Variants in STOX2 observed in about 807,000 individuals in gnomAD.
STOX2 encodes the protein storkhead-box protein 2.
STOX2 carries 28 observed loss-of-function variants against 60.9 expected under a neutral mutation model. That is an observed-to-expected ratio of 0.46 (90% CI 0.34 to 0.63). The LOEUF (loss-of-function observed/expected upper bound fraction) is 0.63. STOX2 is among the 30% of genes least tolerant of loss of function. The pLI is 0.01. For synonymous variants in STOX2, 472 were observed against 463.9 expected (o/e 1.02, Z -0.22); for missense variants, 1,024 against 1,187.7 (o/e 0.86, Z 2.03).
chr4:183,891,265 G>GGT (rs1009108981), intron 1 of STOX2, among the ~76,000 whole-genome samples: 1 of 147,658 alleles, frequency 6.8e-6, no homozygotes, highest in East Asian at 2.0e-4. Flanking sequence ...TAAAGAAACT[G>GGT]GTGTGTGTGT....
Position 184,010,127 on chromosome 4 carries a change from T to C in STOX2, c.1289T>C (p.Leu430Pro). 1 of 1,577,632 alleles carries C rather than the reference T, an allele frequency of 6.3e-7. No individual in the cohort carries two copies. Among genetic ancestry groups the C allele is most frequent in the South Asian group, 1.2e-5 (1 of 86,406 alleles). The change falls in exon 3 of 4, where the codon CTC (leucine) becomes CCC (proline). Residue 430 changes from leucine (L) to proline (P), a missense_variant. By Grantham distance (98) the Leu-to-Pro change is moderately conservative (BLOSUM62 -3). Coordinates refer to ENST00000308497, the MANE Select transcript of STOX2 (RefSeq NM_020225.3). The surrounding 1 kb of genome is among the most constrained non-coding windows in gnomAD (Gnocchi z 4.5). ...ATCATGCACAGCAACACAAACGTGC[T>C]CGAGTCCCACTTCCCCATGACACCA... ...NFIMHSNTNV[L>P]ESHFPMTPEW...
chr4:183,881,246 T>C (rs1355361246), intron 1 of STOX2, among the ~76,000 whole-genome samples: 1 of 108,708 alleles, frequency 9.2e-6, no homozygotes, highest in Non-Finnish European at 2.1e-5. Flanking sequence ...CTCACACCTA[T>C]AATTCCAGCA....
At chr4:183,903,104 C>G (rs1350455484), upstream of STOX2, among the ~76,000 whole-genome samples, 1 of 152,204 alleles carries the variant, frequency 6.6e-6, no homozygotes, top group Non-Finnish European at 1.5e-5. Context: ...TAAAGAAATT[C>G]TAAAAATATC....
chr4:183,888,380 G>A (rs1393642632), intron 1 of STOX2, among the ~76,000 whole-genome samples: 3 of 152,176 alleles, frequency 2.0e-5, no homozygotes, highest in African/African-American at 7.2e-5. Flanking sequence ...TACAGCCGGG[G>A]AAACTGAGGC....
chr4:183,894,142 T>C (rs771873040), intron 1 of STOX2, among the ~76,000 whole-genome samples: 29 of 152,304 alleles, frequency 1.9e-4, no homozygotes, highest in Middle Eastern at 3.4e-3. Context: ...CACAGTGAGA[T>C]TCTGTCTCCA....
chr4:183,978,896 CAT>C (rs1223108026), intron 1 of STOX2, among the ~76,000 whole-genome samples: 12 of 152,150 alleles, frequency 7.9e-5, no homozygotes, highest in Admixed American at 2.0e-4. Context: ...CAAATCTACA[CAT>C]GTGTTAAAAC....
At chr4:183,934,312 AAAAAT>A (rs553367740) in intron 1 of STOX2, among the ~76,000 whole-genome samples, 12 of 143,744 alleles carry the variant, frequency 8.3e-5, no homozygotes, top group South Asian at 2.2e-4. Flanking sequence ...CAAAAAAATA[AAAAAT>A]AAAATAAAAT....
At chr4:183,908,143 C>T (rs1298156402) in intron 1 of STOX2, among the ~76,000 whole-genome samples, 1 of 152,156 alleles carries the variant, frequency 6.6e-6, no homozygotes, top group Non-Finnish European at 1.5e-5. Flanking sequence ...AATAAAAGAA[C>T]CATCTTTTTT....
chr4:183,802,513 A>G (rs778517396), intron 1 of STOX2, among the ~76,000 whole-genome samples: 24 of 150,768 alleles, frequency 1.6e-4, no homozygotes, highest in Non-Finnish European at 3.5e-4. Flanking sequence ...TAGGTGGGCT[A>G]TAGGCACACA....
rs138963532 is a variant in STOX2 at position 183,896,894 on chromosome 4, C to T, written c.364+98839C>T. Among the ~76,000 whole-genome samples the T allele has an allele frequency of 2.7e-3, 418 of 152,166 alleles. 2 individuals are homozygous for T. Among genetic ancestry groups the T allele is most frequent in the African/African-American group, 9.5e-3 (396 of 41,516 alleles). ...TTTTGCTGACCTTTTTTGAATACAG[C>T]GATGTTAGTACTAGTCACTATAATC... On this transcript the variant is annotated intron_variant, in intron 1 of 2. Coordinates refer to the STOX2 transcript ENST00000513034.
chr4:184,010,817 G>C lies in STOX2; in HGVS notation c.1979G>C (p.Gly660Ala), dbSNP rs1415007102. 4 of 1,586,332 alleles carry C rather than the reference G, an allele frequency of 2.5e-6. No individual in the cohort carries two copies. Among genetic ancestry groups the C allele is most frequent in the Non-Finnish European group, 3.4e-6 (4 of 1,166,690 alleles). The part of the protein sequence containing the change: ...PVGHKEESPK[G>A]PGGGPAASGG... The stretch of plus-strand genomic sequence containing the variant: ...GGGCACAAGGAGGAGTCACCAAAAG[G>C]GCCGGGTGGGGGCCCCGCTGCTTCG... The change falls in exon 3 of 4, where the codon GGG becomes GCG. Residue 660 changes from glycine (G) to alanine (A), a missense_variant. Physicochemically the swap from Gly to Ala is moderately conservative, Grantham distance 60. This residue lies in a region of STOX2 where 922 missense variants were observed against 1,058.3 expected (regional missense o/e 0.87). Coordinates refer to ENST00000308497, the MANE Select transcript of STOX2 (RefSeq NM_020225.3). This position sits in a 1 kb window ranked among gnomAD's most constrained non-coding sequence, Gnocchi z 4.5.
intron 1 of STOX2, among the ~76,000 whole-genome samples, chr4:183,858,717 A>G (rs571718182): frequency 2.0e-5 from 3 of 152,348 alleles, no homozygotes; most frequent in East Asian, 1.9e-4. Flanking sequence ...CCGTGTATCT[A>G]TCAAAATATC....
chr4:183,844,327 T>C (rs1247328516), intron 1 of STOX2, among the ~76,000 whole-genome samples: 1 of 152,240 alleles, frequency 6.6e-6, no homozygotes, highest in Non-Finnish European at 1.5e-5. Context: ...TTTCTCTCTT[T>C]AGGTTGCCTG....
chr4:183,897,279 G>A (rs1022149262), intron 1 of STOX2, among the ~76,000 whole-genome samples: 2 of 152,134 alleles, frequency 1.3e-5, no homozygotes, highest in African/African-American at 4.8e-5. Flanking sequence ...GTCTATTTGG[G>A]TTTCAGAGAA....
intron 1 of STOX2, among the ~76,000 whole-genome samples, chr4:183,808,554 C>T (rs867996883): frequency 2.2e-4 from 33 of 152,108 alleles, no homozygotes; most frequent in Non-Finnish European, 1.0e-4. Context: ...AGTCTTTAAT[C>T]GTTAGTAGAC....
chr4:183,898,685 G>A (rs1197201137), intron 1 of STOX2, among the ~76,000 whole-genome samples: 2 of 152,184 alleles, frequency 1.3e-5, no homozygotes, highest in Non-Finnish European at 2.9e-5. Flanking sequence ...CCATGGATAA[G>A]GAGGAGAGCC....
At chr4:183,812,068 A>T (rs9992898) in intron 1 of STOX2, among the ~76,000 whole-genome samples, 1 of 151,706 alleles carries the variant, frequency 6.6e-6, no homozygotes, top group East Asian at 1.9e-4. Context: ...AGTAGTTGGA[A>T]CTACAGGCAT....
intron 1 of STOX2, among the ~76,000 whole-genome samples, chr4:183,850,336 A>C (rs1303097638): frequency 6.6e-6 from 1 of 152,132 alleles, no homozygotes; most frequent in Non-Finnish European, 1.5e-5. Flanking sequence ...AAAATTTTGG[A>C]GAATGCCATA....
At position 184,017,365 on chromosome 4, in the gene STOX2, A is replaced by G; in HGVS notation, c.*81A>G. 2.2e-6 allele frequency: 3 copies of G among 1,344,910 alleles called. No individual in the cohort carries two copies. The highest frequency in any genetic ancestry group is 3.0e-6 in the Non-Finnish European group (3 of 1,001,244). 83.3% of individuals were successfully genotyped at this position (1,344,910 alleles called of 1,614,324 possible). A position where few individuals can be genotyped will look rare whatever the true frequency, so the allele number is the denominator to read the frequency against. On this transcript the variant is annotated 3_prime_UTR_variant, in exon 4 of 4. Coordinates refer to ENST00000308497, the MANE Select transcript of STOX2 (RefSeq NM_020225.3). The stretch of plus-strand genomic sequence containing the variant: ...TGGGACTGATGTTTACATCTTTGGA[A>G]AGACAAGCATCTCAACCACAGTTTT...
Sources: allele counts gnomAD v4.1 joint callset (sites outside exome capture counted in the v4.1 genomes callset), GRCh38; gene constraint gnomAD v4.1.1; regional missense constraint gnomAD v4.1.1; non-coding constraint Gnocchi (gnomAD v3.1); transcripts MANE v1.5; gene names NCBI Gene and HGNC (gene_info 2026-07-23, HGNC 2026-07-21).